The following LRCH1 variants were observed in gnomAD, a reference collection of about 807,000 sequenced individuals.
LRCH1 encodes leucine rich repeats and calponin homology domain containing 1, also known as leucine-rich repeat and calponin homology domain-containing protein 1.
Under a neutral mutation model 94.9 loss-of-function variants are expected in LRCH1, and 23 were observed. That is an observed-to-expected ratio of 0.24 (90% CI 0.17 to 0.34). The LOEUF (loss-of-function observed/expected upper bound fraction) is 0.34. LRCH1 is among the 10% of genes least tolerant of loss of function. LRCH1 has a pLI of 1.00. For synonymous variants in LRCH1, 364 were observed against 354.9 expected (o/e 1.03, Z -0.29); for missense variants, 790 against 945.9 (o/e 0.84, Z 2.16).
intron 1 of LRCH1, among the ~76,000 whole-genome samples, chr13:46,611,411 C>T (rs773938559): frequency 6.6e-6 from 1 of 152,190 alleles, no homozygotes; most frequent in Non-Finnish European, 1.5e-5. Context: ...CTCTCCTAGT[C>T]TAGAGCTCAG....
chr13:46,617,103 G>A (rs1234712728), intron 1 of LRCH1, among the ~76,000 whole-genome samples: 1 of 152,214 alleles, frequency 6.6e-6, no homozygotes, highest in Non-Finnish European at 1.5e-5. Flanking sequence ...CAGGGGATGC[G>A]ATGGCTTGGC....
rs763922314 is a variant in LRCH1, at chr13:46,669,142, C to G, written c.565C>G (p.Gln189Glu). ...SLPEEIGQLKQLMELDVSCNE... is the reference protein window; with the variant it reads ...SLPEEIGQLKELMELDVSCNE... ...ACCAGAAGAGATAGGTCAGCTCAAA[C>G]AGTTAATGGAGCTGGTATGTTACCG... is the stretch of plus-strand genomic sequence containing the variant. The change falls in exon 3 of 20, where the codon CAG becomes GAG. Residue 189 changes from glutamine (Q) to glutamate (E), a missense_variant. Transcript: ENST00000389797. The G allele has an allele frequency of 1.9e-6, 3 of 1,614,030 alleles. No individual in the cohort carries two copies. The South Asian group carries it at 3.3e-5, about 18-fold the overall frequency.
intron 2 of LRCH1, among the ~76,000 whole-genome samples, chr13:46,665,202 G>A (rs1053041246): frequency 3.9e-5 from 6 of 152,154 alleles, no homozygotes; most frequent in African/African-American, 1.2e-4. Flanking sequence ...AACATAGCAT[G>A]TCTTTATAAT....
At chr13:46,651,885 TTG>T in intron 2 of LRCH1, among the ~76,000 whole-genome samples, 1 of 142,674 alleles carries the variant, frequency 7.0e-6, no homozygotes, top group East Asian at 2.2e-4. Flanking sequence ...TTTTTTTGTT[TTG>T]TTTTGTTTTG....
rs560656884 is a variant in LRCH1, at chr13:46,634,898, C to T, written c.308-15303C>T. On this transcript the variant is annotated intron_variant, in intron 1 of 19. Transcript: ENST00000389797. ...CACGTAGTCAGTGTGAGCCTCCCTTCGGGCTCTTTGACTTTCCGATGAGCA... is the reference window on the plus strand; with the variant it reads ...CACGTAGTCAGTGTGAGCCTCCCTTTGGGCTCTTTGACTTTCCGATGAGCA... Among the ~76,000 whole-genome samples the T allele has an allele frequency of 3.3e-5, 5 of 152,272 alleles. No homozygotes were observed. The South Asian group carries it at 6.2e-4, about 19-fold the overall frequency.
intron 18 of LRCH1, among the ~76,000 whole-genome samples, chr13:46,730,365 T>G (rs1264571828): frequency 6.6e-6 from 1 of 152,116 alleles, no homozygotes; most frequent in Non-Finnish European, 1.5e-5. Context: ...TTTTGGAAAT[T>G]TGGAGCCCCA....
At chr13:46,565,099 T>C (rs988114964) in intron 1 of LRCH1, among the ~76,000 whole-genome samples, 3 of 152,200 alleles carry the variant, frequency 2.0e-5, no homozygotes, top group Non-Finnish European at 4.4e-5. Context: ...ATAATAATTA[T>C]AGAATTATTG....
At chr13:46,738,893 G>A (rs1267734903) in intron 19 of LRCH1, among the ~76,000 whole-genome samples, 1 of 152,128 alleles carries the variant, frequency 6.6e-6, no homozygotes, top group African/African-American at 2.4e-5. Context: ...GCAATTAGTT[G>A]TCATATATTT....
At chr13:46,682,542 A>T (rs1870374013) in intron 4 of LRCH1, among the ~76,000 whole-genome samples, 1 of 152,108 alleles carries the variant, frequency 6.6e-6, no homozygotes, top group Non-Finnish European at 1.5e-5. Context: ...TGGAACGTGA[A>T]ATTTCGGGGA....
intron 1 of LRCH1, among the ~76,000 whole-genome samples, chr13:46,573,540 T>C (rs2050263956): frequency 6.6e-6 from 1 of 152,104 alleles, no homozygotes; most frequent in African/African-American, 2.4e-5. Flanking sequence ...TGGAGTACTA[T>C]TCAGCCATAA....
At chr13:46,610,357 G>A (rs1371273665) in intron 1 of LRCH1, among the ~76,000 whole-genome samples, 1 of 151,984 alleles carries the variant, frequency 6.6e-6, no homozygotes, top group Non-Finnish European at 1.5e-5. Flanking sequence ...TTTAGGCTGT[G>A]TAATTCACCT....
chr13:46,752,757 GA>G (rs1240883221), exon 19 of LRCH1: 1 of 151,422 alleles, frequency 6.6e-6, no homozygotes, highest in Non-Finnish European at 1.5e-5. Flanking sequence ...TGTTTTGAGA[GA>G]TTTTTTTTTC....
At chr13:46,633,197 G>A (rs1396014914) in intron 1 of LRCH1, among the ~76,000 whole-genome samples, 1 of 152,090 alleles carries the variant, frequency 6.6e-6, no homozygotes, top group East Asian at 1.9e-4. Flanking sequence ...ATATTTTTGG[G>A]CTAAGGAAAA....
At chr13:46,654,278 G>C (rs926535776) in intron 2 of LRCH1, among the ~76,000 whole-genome samples, 7 of 152,210 alleles carry the variant, frequency 4.6e-5, no homozygotes, top group Admixed American at 4.6e-4. Flanking sequence ...TATCATGCTT[G>C]TGTGTGATGA....
At chr13:46,577,962 C>A (rs3742270) in intron 1 of LRCH1, among the ~76,000 whole-genome samples, 68,055 of 152,024 alleles carry the variant, frequency 0.45, 15,581 homozygotes, top group Middle Eastern at 0.6. Context: ...GTGGTGCCCA[C>A]TAAAGGGAAT....
intron 1 of LRCH1, among the ~76,000 whole-genome samples, chr13:46,631,249 G>T (rs550139479): frequency 6.6e-6 from 1 of 152,148 alleles, no homozygotes; most frequent in South Asian, 2.1e-4. Flanking sequence ...TTGCCATGCC[G>T]TCTCATTGCT....
At chr13:46,607,055 T>C (rs1450913254) in intron 1 of LRCH1, among the ~76,000 whole-genome samples, 2 of 152,042 alleles carry the variant, frequency 1.3e-5, no homozygotes, top group African/African-American at 2.4e-5. Context: ...CAGCTTGGGG[T>C]TGGCTAGGCG....
intron 7 of LRCH1, among the ~76,000 whole-genome samples, chr13:46,690,225 AAAG>A (rs1489127679): frequency 6.6e-6 from 1 of 152,172 alleles, no homozygotes; most frequent in African/African-American, 2.4e-5. Flanking sequence ...AGCATTTTGA[AAAG>A]AAGAAGAGTT....
intron 2 of LRCH1, among the ~76,000 whole-genome samples, chr13:46,657,692 A>ATTTTT (rs55823488): frequency 0.017 from 786 of 46,910 alleles, 79 homozygotes; most frequent in South Asian, 0.1. Context: ...TGCCCAGCTA[A>ATTTTT]TTTTTTTTTT....
Sources: allele counts gnomAD v4.1 joint callset (sites outside exome capture counted in the v4.1 genomes callset), GRCh38; gene constraint gnomAD v4.1.1; transcripts MANE v1.5; gene names NCBI Gene and HGNC (gene_info 2026-07-23, HGNC 2026-07-21).